PSD3: variants seen among roughly 807,000 people sequenced by gnomAD.
PSD3 encodes pleckstrin and Sec7 domain containing 3.
A neutral mutation model predicts 105.5 loss-of-function variants in PSD3; 49 were observed. That is an observed-to-expected ratio of 0.46 (90% CI 0.37 to 0.59). The LOEUF is 0.59. PSD3 is among the 20% of genes least tolerant of loss of function. The pLI, the probability that PSD3 is intolerant of heterozygous loss-of-function variation, is 0.00. For missense variants in PSD3, 1,561 were observed against 1,263.8 expected (o/e 1.24, Z -3.57); for synonymous variants, 557 against 457.8 (o/e 1.22, Z -2.77).
intron 9 of PSD3, among the ~76,000 whole-genome samples, chr8:18,740,336 T>C (rs1423768446): frequency 6.6e-6 from 1 of 152,194 alleles, no homozygotes; most frequent in East Asian, 1.9e-4. Flanking sequence ...TGACCTCAAC[T>C]GCACCCTTTC....
intron 4 of PSD3, among the ~76,000 whole-genome samples, chr8:18,841,587 G>A (rs541247493): frequency 1.3e-5 from 2 of 152,280 alleles, no homozygotes; most frequent in South Asian, 4.2e-4. Flanking sequence ...AAGTGGGTAA[G>A]AGGCAGGACA....
intron 11 of PSD3, among the ~76,000 whole-genome samples, chr8:18,623,666 A>G (rs1386437832): frequency 6.6e-6 from 1 of 150,512 alleles, no homozygotes; most frequent in African/African-American, 2.4e-5. Context: ...AAAAAATTGT[A>G]AAACATATAA....
chr8:18,863,981 A>G (rs536871601), intron 4 of PSD3, among the ~76,000 whole-genome samples: 60 of 152,272 alleles, frequency 3.9e-4, no homozygotes, highest in African/African-American at 1.4e-3. Flanking sequence ...TAAAAGAGCA[A>G]TTCAGCCGAG....
Position 18,920,416 on chromosome 8 carries a change from C to T in PSD3, c.130+15618G>A, listed in dbSNP as rs573594583. 2.6e-5 allele frequency among the ~76,000 whole-genome samples: 4 copies of T among 152,290 alleles called. No individual in the cohort carries two copies. In the East Asian group the frequency reaches 7.7e-4, roughly 29 times the overall value. ...TGCTTGTACCTAAAGGAGAATCATG[C>T]TGAAAGCAAGGTTCGAGTGTGGACA... On this transcript the variant is annotated intron_variant, in intron 2 of 15. Transcript: ENST00000327040.
intron 9 of PSD3, among the ~76,000 whole-genome samples, chr8:18,681,446 C>CAAAAAA (rs528679351): frequency 2.3e-4 from 14 of 62,166 alleles, no homozygotes; most frequent in African/African-American, 3.2e-4. Context: ...GTTTCTGTTT[C>CAAAAAA]AAAAAAAAAA....
intron 11 of PSD3, among the ~76,000 whole-genome samples, chr8:18,618,671 G>T (rs539572885): frequency 6.7e-6 from 1 of 150,174 alleles, no homozygotes; most frequent in Non-Finnish European, 1.5e-5. Flanking sequence ...CTCACCTTAA[G>T]GTTTTTGCAT....
At chr8:18,788,834 G>C (rs906902419) in intron 8 of PSD3, among the ~76,000 whole-genome samples, 5 of 152,134 alleles carry the variant, frequency 3.3e-5, no homozygotes, top group African/African-American at 1.2e-4. Context: ...GAAAGCTCCT[G>C]TTTTGCTTTT....
intron 15 of PSD3, among the ~76,000 whole-genome samples, chr8:18,546,496 G>A (rs552181517): frequency 6.6e-6 from 1 of 152,268 alleles, no homozygotes; most frequent in Non-Finnish European, 1.5e-5. Flanking sequence ...ATTGAGCTAT[G>A]CTGCAGGTGT....
rs117981351 is a variant in PSD3 at position 18,967,526 on chromosome 8, A to G, written c.22-31384T>C. Among the ~76,000 whole-genome samples, 94 of 152,254 alleles carry G rather than the reference A, an allele frequency of 6.2e-4. No individual in the cohort carries two copies. The East Asian group carries it at 0.018, about 29-fold the overall frequency. On this transcript the variant is annotated intron_variant, in intron 1 of 15. Transcript: ENST00000327040. ...AAACCTGACAACATCAAAGCTACCT[A>G]TTGACTCACTTAACTATTTCCAGAA...
intron 15 of PSD3, among the ~76,000 whole-genome samples, chr8:18,542,256 G>T (rs78609065): frequency 0.035 from 5,258 of 152,160 alleles, 97 homozygotes; most frequent in African/African-American, 0.06. Flanking sequence ...AAAAGATAAG[G>T]ATTTGTCAAG....
intron 1 of PSD3, among the ~76,000 whole-genome samples, chr8:19,070,737 C>T (rs1241107827): frequency 6.6e-6 from 1 of 152,136 alleles, no homozygotes; most frequent in East Asian, 1.9e-4. Context: ...GTACCTAGTA[C>T]ATTGTCTTGT....
rs1453609007 is a variant in PSD3, at chr8:18,871,978, C to T, written c.886G>A (p.Val296Ile). The change falls in exon 3 of 16, where the codon GTC becomes ATC. Residue 296 changes from valine (V) to isoleucine (I), a missense_variant. Physicochemically the swap from Val to Ile is conservative, Grantham distance 29. Coordinates refer to ENST00000327040, the MANE Select transcript of PSD3 (RefSeq NM_015310.4). ...ACTCCTTGAAATTCCACATGTTTGA[C>T]CCGGCCTGGGCGTCCCATGGAGCTG... Reference protein sequence around the residue: ...RSSSMGRPGRVKHVEFQGVEI... With the variant: ...RSSSMGRPGRIKHVEFQGVEI... 3 of 1,614,150 alleles carry T rather than the reference C, an allele frequency of 1.9e-6. No homozygotes were observed. Among genetic ancestry groups the T allele is most frequent in the Non-Finnish European group, 2.5e-6 (3 of 1,180,026 alleles).
intron 1 of PSD3, among the ~76,000 whole-genome samples, chr8:18,994,269 G>C (rs182994844): frequency 2.8e-4 from 43 of 152,136 alleles, no homozygotes; most frequent in Non-Finnish European, 1.0e-4. Flanking sequence ...CATTGCTGAA[G>C]TCAATCAACA....
intron 1 of PSD3, among the ~76,000 whole-genome samples, chr8:18,960,303 G>A (rs375814289): frequency 2.0e-5 from 3 of 152,230 alleles, no homozygotes; most frequent in Middle Eastern, 3.4e-3. Flanking sequence ...GAAAGAGAAC[G>A]CATGACCAAA....
chr8:19,071,599 G>A (rs916820120), intron 1 of PSD3, among the ~76,000 whole-genome samples: 9 of 152,210 alleles, frequency 5.9e-5, no homozygotes, highest in Non-Finnish European at 1.3e-4. Context: ...TGATGAACCC[G>A]GGGAGCTGCC....
intron 9 of PSD3, among the ~76,000 whole-genome samples, chr8:18,702,303 G>C (rs1323854827): frequency 6.6e-6 from 1 of 152,154 alleles, no homozygotes; most frequent in Non-Finnish European, 1.5e-5. Context: ...GAAATTTTTT[G>C]GTGTGTGTTT....
chr8:18,750,492 T>C (rs1449075999), intron 9 of PSD3, among the ~76,000 whole-genome samples: 1 of 152,148 alleles, frequency 6.6e-6, no homozygotes, highest in Non-Finnish European at 1.5e-5. Flanking sequence ...TTACAACTCA[T>C]AAAAGCAGCG....
intron 4 of PSD3, among the ~76,000 whole-genome samples, chr8:18,855,148 G>C (rs186753932): frequency 3.1e-3 from 475 of 152,300 alleles, no homozygotes; most frequent in African/African-American, 0.011. Flanking sequence ...GTTGGGATAC[G>C]GGGATTATGA....
intron 9 of PSD3, among the ~76,000 whole-genome samples, chr8:18,749,438 C>T (rs28447980): frequency 0.11 from 16,290 of 152,208 alleles, 1,291 homozygotes; most frequent in East Asian, 0.21. Context: ...TACGTAATTC[C>T]GCATTTATGC....
Sources: gnomAD v4.1 joint callset for allele counts (sites outside exome capture counted in the v4.1 genomes callset) on GRCh38, gnomAD v4.1.1 for gene constraint, MANE v1.5 for transcripts, NCBI Gene and HGNC (gene_info 2026-07-23, HGNC 2026-07-21) for gene names.